DYNC2I1: variants seen among roughly 807,000 people sequenced by gnomAD.
DYNC2I1 encodes the protein dynein 2 intermediate chain 1, also known as cytoplasmic dynein 2 intermediate chain 1.
A neutral mutation model predicts 133.4 loss-of-function variants in DYNC2I1; 89 were observed. The ratio of observed to expected loss-of-function variants is 0.67; its 90% CI spans 0.56 to 0.80. The LOEUF is 0.80. DYNC2I1 is among the 30% of genes least tolerant of loss of function. The pLI is 0.00. For missense variants in DYNC2I1, 1,291 were observed against 1,314.5 expected (o/e 0.98, Z 0.28); for synonymous variants, 504 against 484.3 (o/e 1.04, Z -0.54).
rs35720744 is a variant in DYNC2I1, at chr7:158,867,018, G to GTTTT, written c.16-2822_16-2819dup. ...TCCATTTTTCATTTGGACTAAATCT[G>GTTTT]TTTTTTTTTTTTTTTTTTGAAACAA... On this transcript the variant is annotated intron_variant, in intron 1 of 24. Coordinates refer to ENST00000407559, the MANE Select transcript of DYNC2I1 (RefSeq NM_018051.5). Among the ~76,000 whole-genome samples the GTTTT allele has an allele frequency of 4.9e-4, 59 of 121,154 alleles. No individual in the cohort carries two copies. In the East Asian group the frequency reaches 0.013, roughly 27 times the overall value. 79.5% of individuals were successfully genotyped at this position (121,154 alleles called of 152,430 possible). A position where few individuals can be genotyped will look rare whatever the true frequency, so the allele number is the denominator to read the frequency against.
intron 10 of DYNC2I1, chr7:158,904,939 G>T: frequency 3.7e-6 from 1 of 270,028 alleles, no homozygotes; most frequent in Non-Finnish European, 7.3e-6. Flanking sequence ...CGTAAGACGG[G>T]AGGGCAAGTG....
chr7:158,922,605 C>T (rs931855433), intron 16 of DYNC2I1, 56 bp downstream of exon 16: 12 of 1,544,004 alleles, frequency 7.8e-6, no homozygotes, highest in South Asian at 3.5e-5. Context: ...GTGGACAGAG[C>T]GTGAAGGTGC....
At chr7:158,929,201 T>C (rs553990808) in intron 20 of DYNC2I1, among the ~76,000 whole-genome samples, 1 of 152,318 alleles carries the variant, frequency 6.6e-6, no homozygotes, top group African/African-American at 2.4e-5. Flanking sequence ...CAGCTCTTTG[T>C]GTAGGCATTG....
chr7:158,847,889 A>G, the DYNC2I1 span, among the ~76,000 whole-genome samples: 3 of 152,224 alleles, frequency 2.0e-5, no homozygotes, highest in African/African-American at 7.2e-5. Context: ...AGAGGGTATG[A>G]TGTAAAGGAA....
At chr7:158,944,041 C>T (rs151271542) in intron 24 of DYNC2I1, among the ~76,000 whole-genome samples, 4 of 151,652 alleles carry the variant, frequency 2.6e-5, no homozygotes, top group South Asian at 4.2e-4. Flanking sequence ...TCTGGTTAGA[C>T]AGAGAAACAG....
At chr7:158,953,909 C>T (rs905189448) in intron 4 of DYNC2I1, among the ~76,000 whole-genome samples, 6 of 151,938 alleles carry the variant, frequency 3.9e-5, no homozygotes, top group Non-Finnish European at 7.4e-5. Context: ...TACAAGCATA[C>T]GTGTATATTT....
chr7:158,860,574 A>G (rs2129475911), intron 1 of DYNC2I1, among the ~76,000 whole-genome samples: 1 of 152,302 alleles, frequency 6.6e-6, no homozygotes, highest in East Asian at 1.9e-4. Flanking sequence ...TTTCTTTAAT[A>G]TTAGCTCTTT....
chr7:158,889,566 T>A (rs1487985248), intron 7 of DYNC2I1, among the ~76,000 whole-genome samples: 1 of 152,206 alleles, frequency 6.6e-6, no homozygotes, highest in Non-Finnish European at 1.5e-5. Flanking sequence ...AGGTTGGCAT[T>A]GTTAACTAGA....
At chr7:158,890,438 A>G (rs968116242) in intron 7 of DYNC2I1, among the ~76,000 whole-genome samples, 3 of 152,152 alleles carry the variant, frequency 2.0e-5, no homozygotes, top group African/African-American at 7.2e-5. Context: ...CAGCAGCAAC[A>G]CTGAATTTAT....
At chr7:158,874,991 T>C (rs1843222425) in intron 3 of DYNC2I1, among the ~76,000 whole-genome samples, 1 of 152,106 alleles carries the variant, frequency 6.6e-6, no homozygotes, top group Non-Finnish European at 1.5e-5. Context: ...TTCCAGTCTC[T>C]TGGAGAGTCC....
chr7:158,925,771 C>T (rs1256714922), intron 17 of DYNC2I1, among the ~76,000 whole-genome samples: 1 of 152,110 alleles, frequency 6.6e-6, no homozygotes, highest in Non-Finnish European at 1.5e-5. Context: ...TGTTCACGTC[C>T]CCCTTCCCAT....
intron 8 of DYNC2I1, among the ~76,000 whole-genome samples, chr7:158,900,609 T>C (rs1846145808): frequency 6.6e-6 from 1 of 152,176 alleles, no homozygotes; most frequent in Non-Finnish European, 1.5e-5. Flanking sequence ...GACATCAGTT[T>C]GGAGAAATTC....
chr7:158,891,894 G>A (rs779836390), intron 8 of DYNC2I1, among the ~76,000 whole-genome samples: 2 of 111,748 alleles, frequency 1.8e-5, no homozygotes, highest in African/African-American at 6.0e-5. Context: ...AGGACGTAGC[G>A]CGGAGCTTGA....
the DYNC2I1 span, among the ~76,000 whole-genome samples, chr7:158,845,775 A>C: frequency 3.4e-4 from 52 of 152,366 alleles, no homozygotes; most frequent in Non-Finnish European, 4.4e-4. Context: ...TAATCAGGTA[A>C]ATGTAACAGA....
rs780955608 is a variant in DYNC2I1 at position 158,879,731 on chromosome 7, T to C, written c.621T>C (p.Tyr207=). Residue 207 remains tyrosine, a synonymous_variant, in exon 5 of 25, where the codon TAT becomes TAC. Coordinates refer to ENST00000407559, the MANE Select transcript of DYNC2I1 (RefSeq NM_018051.5). ...ACAACCCTCTCAAGTACTGGCTTTA[T>C]AAAGAAGAAGGCGAGAGGAGACACA... ...SKDNPLKYWL[Y]KEEGERRHRK... 3 of 1,598,610 alleles carry C rather than the reference T, an allele frequency of 1.9e-6. No individual in the cohort carries two copies. Among genetic ancestry groups the C allele is most frequent in the Non-Finnish European group, 2.6e-6 (3 of 1,176,222 alleles).
intron 14 of DYNC2I1, among the ~76,000 whole-genome samples, chr7:158,914,841 C>A (rs1476973342): frequency 6.6e-6 from 1 of 152,148 alleles, no homozygotes; most frequent in Non-Finnish European, 1.5e-5. Flanking sequence ...GAAACAAATC[C>A]CAATCATCTA....
the DYNC2I1 span, among the ~76,000 whole-genome samples, chr7:158,848,132 A>G: frequency 1.3e-5 from 2 of 152,220 alleles, no homozygotes; most frequent in Non-Finnish European, 2.9e-5. Flanking sequence ...CCAATTGCAC[A>G]AGAGGTTATT....
At chr7:158,871,076 G>C (rs1466171349) in intron 2 of DYNC2I1, 66 bp from the exon 3 acceptor site, 1 of 1,514,110 alleles carries the variant, frequency 6.6e-7, no homozygotes, top group Admixed American at 2.2e-5. Context: ...CTCACATTCA[G>C]GTATTAAAAG....
At chr7:158,897,288 C>T (rs139417800) in intron 8 of DYNC2I1, among the ~76,000 whole-genome samples, 1,619 of 152,194 alleles carry the variant, frequency 0.011, 34 homozygotes, top group African/African-American at 0.037. Flanking sequence ...TGTGAGCTAC[C>T]GTGCCCAGGT....
Sources: allele counts gnomAD v4.1 joint callset (sites outside exome capture counted in the v4.1 genomes callset), GRCh38; gene constraint gnomAD v4.1.1; transcripts MANE v1.5; gene names NCBI Gene and HGNC (gene_info 2026-07-23, HGNC 2026-07-21).